Variants in LOXL4 observed in about 807,000 individuals in gnomAD.
The protein encoded by LOXL4 is lysyl oxidase like 4, also known as lysyl oxidase homolog 4.
Under a neutral mutation model 89.1 loss-of-function variants are expected in LOXL4, and 72 were observed. That is an observed-to-expected ratio of 0.81 (90% confidence interval 0.67 to 0.98). LOXL4 has a LOEUF of 0.98. Among genes scored for constraint, LOXL4 ranks in the 50% least tolerant of loss-of-function variants. LOXL4 has a pLI of 0.00. For missense variants in LOXL4, 984 were observed against 1,017.5 expected (o/e 0.97, Z 0.45); for synonymous variants, 355 against 392.1 (o/e 0.91, Z 1.12).
chr10:98,260,939 G>C lies in LOXL4; in HGVS notation c.645C>G (p.Val215=). 1 of 1,611,680 alleles carries C rather than the reference G, an allele frequency of 6.2e-7. No individual in the cohort carries two copies. Among genetic ancestry groups the C allele is most frequent in the South Asian group, 1.1e-5 (1 of 90,782 alleles). Residue 215 remains valine, a synonymous_variant, in exon 4 of 15, where the codon GTC becomes GTG. Transcript: ENST00000260702. The stretch of plus-strand genomic sequence containing the variant: ...CCTCCTACCTGTAGTAGTGGCTGTC[G>C]ACAGGCACCTCGCTGGGGAAGCCCA... The part of the protein sequence containing the change: ...GMLGFPSEVP[V]DSHYYRKVWD...
chr10:98,253,843 GC>G, intron 10 of LOXL4, 47 bp from the exon 11 acceptor site: 1 of 1,609,266 alleles, frequency 6.2e-7, no homozygotes, highest in Non-Finnish European at 8.5e-7. Flanking sequence ...TGGAAAGGCA[GC>G]CAGTCTTAGT....
chr10:98,254,985 G>T (rs1858313915), intron 10 of LOXL4, among the ~76,000 whole-genome samples: 1 of 152,242 alleles, frequency 6.6e-6, no homozygotes, highest in Non-Finnish European at 1.5e-5. Flanking sequence ...GCTGGATATA[G>T]TCCATCTTGG....
At chr10:98,253,308 A>G (rs1260245180) in intron 11 of LOXL4, among the ~76,000 whole-genome samples, 4 of 152,236 alleles carry the variant, frequency 2.6e-5, no homozygotes, top group Non-Finnish European at 5.9e-5. Flanking sequence ...GCTGGCGGTG[A>G]CGCCTCTATG....
rs1386236388 is a variant in LOXL4, at chr10:98,252,346, C to T, written c.1951+7G>A. 2 of 1,600,866 alleles carry T rather than the reference C, an allele frequency of 1.2e-6. No individual in the cohort carries two copies. Among genetic ancestry groups the T allele is most frequent in the South Asian group, 2.2e-5 (2 of 90,772 alleles). On this transcript the variant is annotated splice_region_variant and intron_variant, in intron 12 of 14. Coordinates refer to ENST00000260702, the MANE Select transcript of LOXL4 (RefSeq NM_032211.7). Reference sequence around the variant, plus strand: ...ATGCTGATAGGTGCTGACAGGAAACCACATACCTGTGGGGCAGTTTGTGTC... The same window carrying T: ...ATGCTGATAGGTGCTGACAGGAAACTACATACCTGTGGGGCAGTTTGTGTC...
intron 6 of LOXL4, 151 bp from the exon 7 acceptor site, chr10:98,258,315 C>T (rs1564759634): frequency 2.8e-6 from 2 of 726,382 alleles, no homozygotes; most frequent in South Asian, 2.0e-5. Flanking sequence ...TTCTGACTTC[C>T]CATAGCTGTC....
chr10:98,249,306 T>G (rs888347635), intron 14 of LOXL4, among the ~76,000 whole-genome samples: 1 of 152,204 alleles, frequency 6.6e-6, no homozygotes, highest in Non-Finnish European at 1.5e-5. Flanking sequence ...TCTGGCTCCT[T>G]TGTCCTCTTT....
Position 98,257,748 on chromosome 10 carries a change from T to A in LOXL4, c.1162A>T (p.Ser388Cys). Residue 388 changes from serine (S) to cysteine (C), a missense_variant, in exon 8 of 15, where the codon AGC (serine) becomes TGC (cysteine). Transcript: ENST00000260702. ...GACCCTTCCAGGGCAGGGCAGTCGC[T>A]GAGGGTCCGCTCATATCCCCTGCAG... is the stretch of plus-strand genomic sequence containing the variant. ...VRCRGYERTL[S>C]DCPALEGSQN... 1.2e-6 allele frequency: 2 copies of A among 1,614,096 alleles called. No homozygotes were observed. Among genetic ancestry groups the A allele is most frequent in the Non-Finnish European group, 1.7e-6 (2 of 1,179,998 alleles).
Position 98,253,650 on chromosome 10 carries a change from G to A in LOXL4, c.1738C>T (p.Arg580Cys), listed in dbSNP as rs967455685. The A allele has an allele frequency of 4.3e-6, 7 of 1,614,172 alleles. No homozygotes were observed. Among genetic ancestry groups the A allele is most frequent in the Middle Eastern group, 1.6e-4 (1 of 6,062 alleles). The change falls in exon 11 of 15, where the codon CGC becomes TGC. Residue 580 changes from arginine to cysteine, a missense_variant. By Grantham distance (180) the Arg-to-Cys change is radical. Transcript: ENST00000260702. ...ATCTGTGTGGAGAAGCGCAATAGGC[G>A]GCGGTATCCGTAGGGCCAGTCCATG... ...DHMDWPYGYRRLLRFSTQIYN... is the reference protein window; with the variant it reads ...DHMDWPYGYRCLLRFSTQIYN...
intron 11 of LOXL4, 92 bp downstream of exon 11, chr10:98,253,461 A>C: frequency 6.4e-7 from 1 of 1,574,332 alleles, no homozygotes; most frequent in Non-Finnish European, 8.7e-7. Flanking sequence ...TCCCAGGAAA[A>C]CTTGCCTGTG....
At chr10:98,249,396 C>T (rs1280521911) in intron 14 of LOXL4, among the ~76,000 whole-genome samples, 1 of 152,186 alleles carries the variant, frequency 6.6e-6, no homozygotes, top group East Asian at 1.9e-4. Context: ...GATATTCCTT[C>T]CCCTACTTTG....
At chr10:98,254,413 C>T (rs867235791) in intron 10 of LOXL4, among the ~76,000 whole-genome samples, 1 of 152,190 alleles carries the variant, frequency 6.6e-6, no homozygotes, top group South Asian at 2.1e-4. Context: ...GCAGGCCGGC[C>T]GCAGCTTGCC....
intron 8 of LOXL4, 52 bp downstream of exon 8, chr10:98,257,598 C>G (rs1858414574): frequency 6.3e-7 from 1 of 1,584,554 alleles, no homozygotes; most frequent in Non-Finnish European, 8.6e-7. Context: ...CCTGGGGACT[C>G]CCCAGGGTTT....
intron 6 of LOXL4, 44 bp downstream of exon 6, chr10:98,258,965 G>C: frequency 1.4e-6 from 2 of 1,448,008 alleles, no homozygotes; most frequent in Non-Finnish European, 1.9e-6. Context: ...TGTCCCGCCC[G>C]TGCCTCCAAG....
In LOXL4 at chr10:98,254,635, T is replaced by C. The variant is rs77989280; in HGVS notation, c.1592-839A>G. On this transcript the variant is annotated intron_variant, in intron 10 of 14. Coordinates refer to ENST00000260702, the MANE Select transcript of LOXL4 (RefSeq NM_032211.7). ...GTGGTTACAGAGACTGCAGATTGGC[T>C]GACTGTGCCAAGTTGTCGTGAAGGA... 9.6e-4 allele frequency among the ~76,000 whole-genome samples: 147 copies of C among 152,366 alleles called. 1 individual carries two copies. In the East Asian group the frequency reaches 0.023, roughly 24 times the overall value.
rs62621987 is a variant in LOXL4 at position 98,248,884 on chromosome 10, G to C, written c.*37C>G. 1.3e-3 allele frequency: 2,090 copies of C among 1,568,060 alleles called. 7 individuals carry two copies. The highest frequency in any genetic ancestry group is 2.1e-3 in the Admixed American group (123 of 59,014). On this transcript the variant is annotated 3_prime_UTR_variant, in exon 15 of 15. Coordinates refer to ENST00000260702, the MANE Select transcript of LOXL4 (RefSeq NM_032211.7). Reference sequence around the variant, plus strand: ...TGGCTCCAATAAGCTGAGGTATCTGGTGTATCGGCAGCAGCTAGGAGTGTG... The same window carrying C: ...TGGCTCCAATAAGCTGAGGTATCTGCTGTATCGGCAGCAGCTAGGAGTGTG...
intron 10 of LOXL4, among the ~76,000 whole-genome samples, chr10:98,254,109 C>T (rs188423052): frequency 6.6e-6 from 1 of 152,292 alleles, no homozygotes. Context: ...CATTTTGTCT[C>T]TCATTTTCAT....
rs370738611 is a variant in LOXL4 at position 98,261,964 on chromosome 10, C to T, written c.456+71G>A. 2.8e-5 allele frequency: 41 copies of T among 1,458,282 alleles called. No homozygotes were observed. In the Admixed American group the frequency reaches 3.2e-4, roughly 11 times the overall value. The allele number at this position is 1,458,282 out of a possible 1,614,324, so 90.3% of individuals were successfully genotyped here. On this transcript the variant is annotated intron_variant, in intron 3 of 14. Transcript: ENST00000260702. ...TTTCCCCTCGCTTATCCTCTAGGCC[C>T]GTCTTCTGGGAGGCTCTCTGTTCTC...
chr10:98,266,026 T>G (rs1230743523), intron 1 of LOXL4, among the ~76,000 whole-genome samples: 1 of 152,164 alleles, frequency 6.6e-6, no homozygotes, highest in African/African-American at 2.4e-5. Flanking sequence ...CAGAGGCTTG[T>G]GGGGGCTCCC....
intron 6 of LOXL4, 152 bp from the exon 7 acceptor site, chr10:98,258,316 C>T (rs1858441631): frequency 1.4e-6 from 1 of 724,464 alleles, no homozygotes; most frequent in Non-Finnish European, 2.2e-6. Flanking sequence ...TCTGACTTCC[C>T]ATAGCTGTCA....
Sources: gnomAD v4.1 joint callset for allele counts (sites outside exome capture counted in the v4.1 genomes callset) on GRCh38, gnomAD v4.1.1 for gene constraint, MANE v1.5 for transcripts, NCBI Gene and HGNC (gene_info 2026-07-23, HGNC 2026-07-21) for gene names.